Variants in OXSR1 observed in about 807,000 individuals in gnomAD.
OXSR1 encodes oxidative stress responsive kinase 1, also known as serine/threonine-protein kinase OSR1.
Under a neutral mutation model 79.8 loss-of-function variants are expected in OXSR1, and 24 were observed. The observed-to-expected ratio is 0.30, with a 90% CI of 0.22 to 0.42. The LOEUF is 0.42. Among genes scored for constraint, OXSR1 ranks in the 10% least tolerant of loss-of-function variants. The pLI, the probability that OXSR1 is intolerant of heterozygous loss-of-function variation, is 1.00. For missense variants in OXSR1, 430 were observed against 618.4 expected (o/e 0.70, Z 3.23); for synonymous variants, 226 against 209.2 (o/e 1.08, Z -0.69).
rs28634955 is a variant in OXSR1, at chr3:38,219,402, T to G, written c.491-2176T>G. ...TGTATATACATAAGTTGTTTGAGTC[T>G]TTATCATATTTAAGTATTTTAAGGC... On this transcript the variant is annotated intron_variant, in intron 5 of 17. Transcript: ENST00000311806. Among the ~76,000 whole-genome samples the G allele has an allele frequency of 6.5e-3, 988 of 152,304 alleles. 10 individuals carry two copies. Among genetic ancestry groups the G allele is most frequent in the African/African-American group, 0.023 (952 of 41,558 alleles).
Position 38,184,903 on chromosome 3 carries a change from C to CTTTTTTTTTTTT in OXSR1, c.183+1825_183+1836dup, listed in dbSNP as rs1213000624. ...TAGTTCAAAAGTAGAAAGAACATTTCTTTTTTTTTTTTTTTTTTTTTTTTT... is the reference window on the plus strand; with the variant it reads ...TAGTTCAAAAGTAGAAAGAACATTTCTTTTTTTTTTTTTTTTTTTTTTTTTTTTTTTTTTTTT... On this transcript the variant is annotated intron_variant, in intron 2 of 17. Transcript: ENST00000311806. Among the ~76,000 whole-genome samples the CTTTTTTTTTTTT allele has an allele frequency of 3.9e-4, 9 of 22,890 alleles. 3 individuals are homozygous for CTTTTTTTTTTTT. The highest frequency in any genetic ancestry group is 4.2e-3 in the South Asian group (2 of 478). 15.0% of individuals were successfully genotyped at this position (22,890 alleles called of 152,430 possible).
chr3:38,232,233 AAC>A (rs1377995279), intron 10 of OXSR1, among the ~76,000 whole-genome samples: 1 of 151,732 alleles, frequency 6.6e-6, no homozygotes, highest in Non-Finnish European at 1.5e-5. Context: ...TAGCCTGAGC[AAC>A]ATAGTGAGAC....
intron 11 of OXSR1, among the ~76,000 whole-genome samples, chr3:38,241,741 A>G (rs2125850426): frequency 6.6e-6 from 1 of 151,790 alleles, no homozygotes; most frequent in South Asian, 2.1e-4. Context: ...TAAGTTTGAA[A>G]TTATTTACAA....
intron 2 of OXSR1, among the ~76,000 whole-genome samples, chr3:38,190,070 G>A (rs1406953635): frequency 6.6e-6 from 1 of 152,194 alleles, no homozygotes; most frequent in Non-Finnish European, 1.5e-5. Context: ...GATAGGGGAA[G>A]TGTATTTGAG....
chr3:38,228,410 C>G (rs1702735804), intron 8 of OXSR1, among the ~76,000 whole-genome samples: 1 of 152,210 alleles, frequency 6.6e-6, no homozygotes, highest in East Asian at 1.9e-4. Flanking sequence ...ATAGCACTTT[C>G]ACATTTATTC....
intron 1 of OXSR1, among the ~76,000 whole-genome samples, chr3:38,169,785 G>A (rs1701541426): frequency 6.6e-6 from 1 of 151,336 alleles, no homozygotes; most frequent in African/African-American, 2.4e-5. Context: ...CACCTAGGGT[G>A]GAGTGCAGTG....
chr3:38,251,501 C>G (rs1180673448), intron 16 of OXSR1, 30 bp downstream of exon 16: 2 of 1,544,912 alleles, frequency 1.3e-6, no homozygotes, highest in Non-Finnish European at 1.8e-6. Flanking sequence ...CTCATGTGCT[C>G]CTGTGTCTCT....
At chr3:38,164,645 G>A (rs1701392474), upstream of OXSR1, among the ~76,000 whole-genome samples, 2 of 152,160 alleles carry the variant, frequency 1.3e-5, no homozygotes, top group African/African-American at 4.8e-5. Flanking sequence ...GGCGACAAAA[G>A]CCAACGCCCG....
rs1703329996 is a variant in OXSR1 at position 38,254,780 on chromosome 3, ACT to A, written c.*1892_*1893del. On this transcript the variant is annotated 3_prime_UTR_variant, in exon 18 of 18. Transcript: ENST00000311806. The stretch of plus-strand genomic sequence containing the variant: ...TATGAATCCAAGGGGTGGCAGCATC[ACT>A]CTGTTCTAGCATTCTTTGTGGAGAT... The A allele has an allele frequency of 1.3e-5, 2 of 151,128 alleles. No individual in the cohort carries two copies. The highest frequency in any genetic ancestry group is 4.2e-4 in the South Asian group (2 of 4,792). The allele number at this position is 151,128 out of a possible 1,614,324, so 9.4% of individuals were successfully genotyped here.
At chr3:38,251,890 A>G (rs1172580466) in intron 16 of OXSR1, among the ~76,000 whole-genome samples, 1 of 152,226 alleles carries the variant, frequency 6.6e-6, no homozygotes, top group Non-Finnish European at 1.5e-5. Context: ...GAAGGAAAAG[A>G]CCATGTCCTT....
intron 2 of OXSR1, among the ~76,000 whole-genome samples, chr3:38,184,555 C>G (rs975950482): frequency 6.6e-6 from 1 of 152,100 alleles, no homozygotes; most frequent in African/African-American, 2.4e-5. Context: ...AATATGAAGA[C>G]CTATAATTTG....
upstream of OXSR1, chr3:38,164,993 C>T (rs1701405346): frequency 6.6e-6 from 1 of 152,276 alleles, no homozygotes; most frequent in African/African-American, 2.4e-5. Context: ...TTTCTCCACA[C>T]CCTGTAGAGC....
chr3:38,218,662 CA>C (rs1702531432), intron 5 of OXSR1, among the ~76,000 whole-genome samples: 3 of 152,098 alleles, frequency 2.0e-5, no homozygotes, highest in Admixed American at 1.3e-4. Flanking sequence ...CTTTGATGCA[CA>C]AAAGTTTTAA....
chr3:38,183,312 C>T (rs1284290534), intron 2 of OXSR1, among the ~76,000 whole-genome samples, 197 bp downstream of exon 2: 2 of 152,122 alleles, frequency 1.3e-5, no homozygotes, highest in Non-Finnish European at 2.9e-5. Flanking sequence ...TACTCTGAGA[C>T]TAACATTTAA....
chr3:38,216,058 A>G, intron 4 of OXSR1, 38 bp from the exon 5 acceptor site: 2 of 1,254,816 alleles, frequency 1.6e-6, no homozygotes, highest in Non-Finnish European at 2.3e-6. Flanking sequence ...CAAAGAATAG[A>G]TGTTTTTTGA....
At chr3:38,220,578 A>G (rs1702568936) in intron 5 of OXSR1, among the ~76,000 whole-genome samples, 1 of 152,226 alleles carries the variant, frequency 6.6e-6, no homozygotes, top group African/African-American at 2.4e-5. Context: ...GGCTGACTTA[A>G]CAAAGCAGAA....
intron 3 of OXSR1, among the ~76,000 whole-genome samples, chr3:38,195,301 T>C (rs1028419202): frequency 6.6e-6 from 1 of 152,218 alleles, no homozygotes; most frequent in Non-Finnish European, 1.5e-5. Context: ...AGATGGTTGT[T>C]TAAGGATGCC....
chr3:38,220,018 G>A (rs1446261857), intron 5 of OXSR1, among the ~76,000 whole-genome samples: 6 of 152,082 alleles, frequency 3.9e-5, no homozygotes, highest in African/African-American at 9.7e-5. Flanking sequence ...TGTTGCCCAG[G>A]CTGGTCTTGA....
Position 38,236,913 on chromosome 3 carries a change from A to G in OXSR1, c.1026A>G (p.Glu342=), listed in dbSNP as rs1221398254. The stretch of plus-strand genomic sequence containing the variant: ...GAGGCTGGGAGTGGAGTGATGATGA[A>G]TTTGATGAAGAAAGTGAGGAAGGGA... ...EDGGWEWSDD[E]FDEESEEGKA... is the part of the protein sequence containing the mutation. Residue 342 remains glutamate, a synonymous_variant, in exon 11 of 18, where the codon GAA becomes GAG. Coordinates refer to ENST00000311806, the MANE Select transcript of OXSR1 (RefSeq NM_005109.3). 5.6e-6 allele frequency: 9 copies of G among 1,612,626 alleles called. No homozygotes were observed. In the African/African-American group the frequency reaches 9.4e-5, roughly 17 times the overall value.
Sources: gnomAD v4.1 joint callset for allele counts (sites outside exome capture counted in the v4.1 genomes callset) on GRCh38, gnomAD v4.1.1 for gene constraint, MANE v1.5 for transcripts, NCBI Gene and HGNC (gene_info 2026-07-23, HGNC 2026-07-21) for gene names.